The following GALNT13 variants were observed in gnomAD, a reference collection of about 807,000 sequenced individuals.
GALNT13 encodes the protein polypeptide N-acetylgalactosaminyltransferase 13.
Under a neutral mutation model 64.2 loss-of-function variants are expected in GALNT13, and 28 were observed. The observed-to-expected ratio is 0.44, with a 90% confidence interval of 0.32 to 0.60. The LOEUF is 0.60. GALNT13 is among the 20% of genes least tolerant of loss of function. The probability of loss-of-function intolerance (pLI) is 0.05; values close to 1 mark genes in which losing one functional copy is unlikely to be tolerated. For synonymous variants in GALNT13, 214 were observed against 224.6 expected (o/e 0.95, Z 0.42); for missense variants, 577 against 669.8 (o/e 0.86, Z 1.53).
intron 7 of GALNT13, among the ~76,000 whole-genome samples, chr2:154,248,377 A>G (rs988091361): frequency 6.6e-6 from 1 of 152,088 alleles, no homozygotes; most frequent in African/African-American, 2.4e-5. Context: ...TAATATACAT[A>G]ATTACGAATA....
chr2:154,159,340 G>C (rs1219680625), intron 4 of GALNT13, among the ~76,000 whole-genome samples: 1 of 151,952 alleles, frequency 6.6e-6, no homozygotes, highest in Non-Finnish European at 1.5e-5. Flanking sequence ...TCACCATGTT[G>C]GCCAGGCTGG....
At chr2:154,371,127 G>C (rs1338174503) in intron 9 of GALNT13, among the ~76,000 whole-genome samples, 1 of 152,080 alleles carries the variant, frequency 6.6e-6, no homozygotes, top group Non-Finnish European at 1.5e-5. Flanking sequence ...ACTTAGAGGA[G>C]TTTCAATGGA....
At chr2:153,307,269 C>T in the GALNT13 span, among the ~76,000 whole-genome samples, 2 of 152,112 alleles carry the variant, frequency 1.3e-5, no homozygotes, top group Non-Finnish European at 2.9e-5. Flanking sequence ...TAAGCCGATA[C>T]ATTGCCATTG....
At chr2:154,437,073 A>G (rs1200553777) in intron 11 of GALNT13, 1 of 152,186 alleles carries the variant, frequency 6.6e-6, no homozygotes, top group African/African-American at 2.4e-5. Context: ...TCTTTTTATT[A>G]TCGTTTGTAG....
chr2:154,142,226 AT>A (rs1326513561), intron 4 of GALNT13, among the ~76,000 whole-genome samples: 3 of 151,940 alleles, frequency 2.0e-5, no homozygotes, highest in Admixed American at 6.6e-5. Context: ...ACTAACTCTT[AT>A]TTTTTTCTTT....
At chr2:153,384,987 A>G in the GALNT13 span, among the ~76,000 whole-genome samples, 1 of 152,152 alleles carries the variant, frequency 6.6e-6, no homozygotes. Flanking sequence ...TGCCCATTTC[A>G]CTACAGATTT....
chr2:153,960,711 G>A (rs1007828849), intron 3 of GALNT13, among the ~76,000 whole-genome samples: 21 of 152,106 alleles, frequency 1.4e-4, no homozygotes, highest in African/African-American at 5.1e-4. Context: ...TTTTTACCTG[G>A]CCTTTTTAAG....
At chr2:153,602,617 A>T in the GALNT13 span, among the ~76,000 whole-genome samples, 1 of 151,860 alleles carries the variant, frequency 6.6e-6, no homozygotes, top group African/African-American at 2.4e-5. Flanking sequence ...GGAATAGCAA[A>T]TAAAAATATC....
chr2:154,180,307 A>T (rs1573820985), intron 4 of GALNT13, among the ~76,000 whole-genome samples: 1 of 152,062 alleles, frequency 6.6e-6, no homozygotes, highest in East Asian at 1.9e-4. Flanking sequence ...ATTGTATATA[A>T]TTTTTGTTAT....
At chr2:154,271,522 A>C (rs963029598) in intron 8 of GALNT13, among the ~76,000 whole-genome samples, 3 of 151,926 alleles carry the variant, frequency 2.0e-5, no homozygotes, top group African/African-American at 7.2e-5. Context: ...CATTTGAGGA[A>C]CAGAATACCA....
At chr2:153,553,337 G>GA in the GALNT13 span, among the ~76,000 whole-genome samples, 4,369 of 148,528 alleles carry the variant, frequency 0.029, 180 homozygotes, top group African/African-American at 0.099. Context: ...CATCTCTACA[G>GA]AAAAAAAAAA....
chr2:153,818,542 G>A, the GALNT13 span, among the ~76,000 whole-genome samples: 7 of 152,134 alleles, frequency 4.6e-5, no homozygotes, highest in African/African-American at 7.2e-5. Flanking sequence ...GGCAGGGCTC[G>A]TAGGCTTGGG....
At chr2:154,281,115 A>G (rs1691939046) in intron 8 of GALNT13, among the ~76,000 whole-genome samples, 1 of 152,190 alleles carries the variant, frequency 6.6e-6, no homozygotes, top group Admixed American at 6.5e-5. Context: ...ACTGTATCAT[A>G]TATTATTTTT....
At chr2:153,494,931 T>A in the GALNT13 span, among the ~76,000 whole-genome samples, 1 of 152,096 alleles carries the variant, frequency 6.6e-6, no homozygotes, top group African/African-American at 2.4e-5. Flanking sequence ...AGATACTTCT[T>A]AAGAAAGATG....
the GALNT13 span, among the ~76,000 whole-genome samples, chr2:153,618,315 T>A: frequency 6.6e-6 from 1 of 151,984 alleles, no homozygotes; most frequent in Non-Finnish European, 1.5e-5. Context: ...CTAATTTCCA[T>A]GTATTTGTAT....
the GALNT13 span, among the ~76,000 whole-genome samples, chr2:153,443,818 G>A: frequency 6.6e-6 from 1 of 152,086 alleles, no homozygotes; most frequent in African/African-American, 2.4e-5. Context: ...AGCTACTCAG[G>A]AGGCTGAGAC....
At chr2:154,138,394 A>C (rs1683068356) in intron 3 of GALNT13, among the ~76,000 whole-genome samples, 1 of 152,092 alleles carries the variant, frequency 6.6e-6, no homozygotes. Flanking sequence ...TATTGTAAAC[A>C]ACTGTAAACA....
At chr2:154,141,012 G>A (rs1683227381) in intron 4 of GALNT13, among the ~76,000 whole-genome samples, 1 of 152,074 alleles carries the variant, frequency 6.6e-6, no homozygotes, top group Non-Finnish European at 1.5e-5. Context: ...GCATTTTACT[G>A]TACTGAACAC....
At chr2:154,093,609 T>A (rs1245446961) in intron 3 of GALNT13, among the ~76,000 whole-genome samples, 3 of 150,804 alleles carry the variant, frequency 2.0e-5, no homozygotes, top group African/African-American at 7.3e-5. Flanking sequence ...AAAAAATAAA[T>A]AAGTTAAATG....
Sources: allele counts gnomAD v4.1 joint callset (sites outside exome capture counted in the v4.1 genomes callset), GRCh38; gene constraint gnomAD v4.1.1; transcripts MANE v1.5; gene names NCBI Gene and HGNC (gene_info 2026-07-23, HGNC 2026-07-21).